The following MMP16 variants were observed in gnomAD, a reference collection of about 807,000 sequenced individuals.
MMP16 encodes matrix metallopeptidase 16.
In MMP16, 12 loss-of-function variants were observed where a neutral mutation model predicts 67.8. The ratio of observed to expected loss-of-function variants is 0.18; its 90% confidence interval spans 0.11 to 0.29. The LOEUF (loss-of-function observed/expected upper bound fraction) is 0.29. MMP16 is among the 10% of genes least tolerant of loss of function. MMP16 has a pLI of 1.00. For synonymous variants in MMP16, 249 were observed against 255.9 expected (o/e 0.97, Z 0.26); for missense variants, 475 against 765.7 (o/e 0.62, Z 4.48).
rs752026949 is a variant in MMP16 at position 88,041,464 on chromosome 8, C to A, written c.1821G>T (p.Val607=). 6.2e-7 allele frequency: 1 copy of A among 1,606,038 alleles called. No homozygotes were observed. The highest frequency in any genetic ancestry group is 1.1e-5 in the South Asian group (1 of 90,648). The change falls in exon 10 of 10, where the codon GTG becomes GTT. Residue 607 remains valine (V), a synonymous_variant. Coordinates refer to ENST00000286614, the MANE Select transcript of MMP16 (RefSeq NM_005941.5). This position sits in a 1 kb window ranked among gnomAD's most constrained non-coding sequence, Gnocchi z 6.0. ...LYCKRSMQEW[V] ...AGAAAGAAGAAAAAACCCTACATCA[C>A]ACCCACTCTTGCATAGAGCGTTTAC...
rs59599489 is a variant in MMP16 at position 88,088,057 on chromosome 8, C to A, written c.1084-13314G>T. Among the ~76,000 whole-genome samples the A allele has an allele frequency of 2.0e-3, 282 of 138,330 alleles. 1 individual carries two copies. Among genetic ancestry groups the A allele is most frequent in the Middle Eastern group, 7.3e-3 (2 of 274 alleles). The allele number at this position is 138,330 out of a possible 152,430, so 90.7% of individuals were successfully genotyped here. The stretch of plus-strand genomic sequence containing the variant: ...ATAGATATATAGATATCTATTATAT[C>A]TATATATAATAGATATCTATATATC... On this transcript the variant is annotated intron_variant, in intron 6 of 9. Transcript: ENST00000286614.
At chr8:88,167,254 G>C (rs144058422) in intron 4 of MMP16, among the ~76,000 whole-genome samples, 1 of 151,912 alleles carries the variant, frequency 6.6e-6, no homozygotes, top group Non-Finnish European at 1.5e-5. Flanking sequence ...ATGTAGAAAA[G>C]ATATAGTAGA....
chr8:88,116,674 C>G lies in MMP16; in HGVS notation c.916G>C (p.Val306Leu). ...GGAGGAATAGAGCGGTGTGGGGGCACTGTCGGTAGAGGTCTTGTAGGTGGA... is the reference window on the plus strand; with the variant it reads ...GGAGGAATAGAGCGGTGTGGGGGCAGTGTCGGTAGAGGTCTTGTAGGTGGA... ...IPPPTRPLPT[V>L]PPHRSIPPAD... Residue 306 changes from valine (V) to leucine (L), a missense_variant, in exon 6 of 10, where the codon GTG becomes CTG. Transcript: ENST00000286614. The G allele has an allele frequency of 3.1e-6, 5 of 1,613,726 alleles. No individual in the cohort carries two copies. The highest frequency in any genetic ancestry group is 4.2e-6 in the Non-Finnish European group (5 of 1,179,850).
intron 1 of MMP16, among the ~76,000 whole-genome samples, chr8:88,235,068 A>C (rs1809919022): frequency 6.6e-6 from 1 of 152,128 alleles, no homozygotes; most frequent in African/African-American, 2.4e-5. Flanking sequence ...AATTTTCAGG[A>C]TCACTGACAC....
At position 88,038,279 on chromosome 8, in the gene MMP16, G is replaced by C. The variant is rs970638273; in HGVS notation, c.*3182C>G. The C allele has an allele frequency of 2.6e-5, 4 of 152,004 alleles. No individual in the cohort carries two copies. The highest frequency in any genetic ancestry group is 9.7e-5 in the African/African-American group (4 of 41,418). 9.4% of individuals were successfully genotyped at this position (152,004 alleles called of 1,614,324 possible). A position where few individuals can be genotyped will look rare whatever the true frequency, so the allele number is the denominator to read the frequency against. ...GATAACTGAAATGTTCTGTTCAAAAGAGCAGCCTTATATGCCTTTGCTTAT... is the reference window on the plus strand; with the variant it reads ...GATAACTGAAATGTTCTGTTCAAAACAGCAGCCTTATATGCCTTTGCTTAT... On this transcript the variant is annotated 3_prime_UTR_variant, in exon 10 of 10. Transcript: ENST00000286614. The surrounding 1 kb of genome is among the most constrained non-coding windows in gnomAD (Gnocchi z 4.1).
intron 1 of MMP16, among the ~76,000 whole-genome samples, chr8:88,287,429 T>C (rs1391528663): frequency 6.6e-6 from 1 of 152,236 alleles, no homozygotes; most frequent in Non-Finnish European, 1.5e-5. Flanking sequence ...AGATCAAAGT[T>C]ATGAGTTTTC....
rs78718869 is a variant in MMP16 at position 88,038,793 on chromosome 8, G to A, written c.*2668C>T. On this transcript the variant is annotated 3_prime_UTR_variant, in exon 10 of 10. Coordinates refer to ENST00000286614, the MANE Select transcript of MMP16 (RefSeq NM_005941.5). The surrounding 1 kb of genome is among the most constrained non-coding windows in gnomAD (Gnocchi z 4.1). ...GGAAGCACTGAAGTAAAGCTACAGG[G>A]CTGACTCTGGTTCTCATTTCTTGCT... 0.029 allele frequency: 4,490 copies of A among 152,614 alleles called. 111 individuals carry two copies. Among genetic ancestry groups the A allele is most frequent in the Non-Finnish European group, 0.043 (2,953 of 67,984 alleles). 9.5% of individuals were successfully genotyped at this position (152,614 alleles called of 1,614,324 possible). A position where few individuals can be genotyped will look rare whatever the true frequency, so the allele number is the denominator to read the frequency against.
At chr8:88,305,745 C>A (rs1325026108) in intron 1 of MMP16, among the ~76,000 whole-genome samples, 1 of 152,010 alleles carries the variant, frequency 6.6e-6, no homozygotes, top group African/African-American at 2.4e-5. Context: ...CTAAACAGAA[C>A]AAGGAGACAA....
rs2118174233 is a variant in MMP16, at chr8:88,037,638, C to A, written c.*3823G>T. Reference sequence around the variant, plus strand: ...GACTGCCATGTCAACAGACACTGTTCTGAAATGAGTCAATAAATTCACAAC... The same window carrying A: ...GACTGCCATGTCAACAGACACTGTTATGAAATGAGTCAATAAATTCACAAC... On this transcript the variant is annotated 3_prime_UTR_variant, in exon 10 of 10. Transcript: ENST00000286614. 6.6e-6 allele frequency: 1 copy of A among 152,106 alleles called. No homozygotes were observed. The highest frequency in any genetic ancestry group is 1.5e-5 in the Non-Finnish European group (1 of 67,886). 9.4% of individuals were successfully genotyped at this position (152,106 alleles called of 1,614,324 possible).
At chr8:88,196,885 A>G (rs1519941) in intron 2 of MMP16, among the ~76,000 whole-genome samples, 137,856 of 152,170 alleles carry the variant, frequency 0.91, 62,725 homozygotes, top group East Asian at 0.99. Flanking sequence ...TTTTTGTAGT[A>G]GCTTCAACTG....
intron 1 of MMP16, among the ~76,000 whole-genome samples, chr8:88,288,259 C>T (rs1272817979): frequency 2.0e-5 from 3 of 152,222 alleles, no homozygotes; most frequent in Non-Finnish European, 4.4e-5. Context: ...ACAATGAGCA[C>T]ATCTCTGAAT....
intron 4 of MMP16, among the ~76,000 whole-genome samples, chr8:88,157,933 G>A (rs989837191): frequency 8.2e-5 from 12 of 145,572 alleles, no homozygotes; most frequent in African/African-American, 3.0e-4. Context: ...TTGGTTTTTT[G>A]TCCTTGCAAT....
At chr8:88,079,667 T>G (rs964330033) in intron 6 of MMP16, among the ~76,000 whole-genome samples, 2 of 152,178 alleles carry the variant, frequency 1.3e-5, no homozygotes, top group Non-Finnish European at 2.9e-5. Context: ...AATGTTTGTG[T>G]CCCTTCAAAT....
At chr8:88,054,826 C>G (rs571579848) in intron 8 of MMP16, among the ~76,000 whole-genome samples, 196 of 152,192 alleles carry the variant, frequency 1.3e-3, no homozygotes, top group African/African-American at 4.4e-3. Context: ...AAGTTTGTAG[C>G]CTTACTTACT....
chr8:88,154,294 T>C (rs960597535), intron 4 of MMP16, among the ~76,000 whole-genome samples: 15 of 141,654 alleles, frequency 1.1e-4, no homozygotes, highest in African/African-American at 3.4e-4. Context: ...TCAACCATTG[T>C]GGAAGTCAGT....
chr8:88,066,519 G>A (rs1808465168), intron 7 of MMP16, among the ~76,000 whole-genome samples: 2 of 152,028 alleles, frequency 1.3e-5, no homozygotes, highest in Admixed American at 1.3e-4. Flanking sequence ...ATATCAAATA[G>A]AGGAATAAAT....
intron 1 of MMP16, among the ~76,000 whole-genome samples, chr8:88,268,219 C>T (rs1192211811): frequency 6.6e-6 from 1 of 151,990 alleles, no homozygotes; most frequent in Non-Finnish European, 1.5e-5. Context: ...GCGCATGCCT[C>T]TAATCTCAGC....
chr8:88,200,311 G>A (rs1481458730), intron 1 of MMP16, among the ~76,000 whole-genome samples: 1 of 151,956 alleles, frequency 6.6e-6, no homozygotes, highest in African/African-American at 2.4e-5. Context: ...ATTGAGAAGT[G>A]CTTTTGAGAA....
chr8:88,229,350 G>T (rs1809823076), intron 1 of MMP16, among the ~76,000 whole-genome samples: 1 of 151,928 alleles, frequency 6.6e-6, no homozygotes. Flanking sequence ...ATATGCTAGG[G>T]TAAACTAAAG....
Sources: gnomAD v4.1 joint callset for allele counts (sites outside exome capture counted in the v4.1 genomes callset) on GRCh38, gnomAD v4.1.1 for gene constraint, Gnocchi (gnomAD v3.1) non-coding constraint, MANE v1.5 for transcripts, NCBI Gene and HGNC (gene_info 2026-07-23, HGNC 2026-07-21) for gene names.